Variants in RPRD2 observed in about 807,000 individuals in gnomAD.
RPRD2 encodes regulation of nuclear pre-mRNA domain containing 2.
RPRD2 carries 12 observed loss-of-function variants against 104.4 expected under a neutral mutation model. The ratio of observed to expected loss-of-function variants is 0.11; its 90% CI spans 0.07 to 0.19. The LOEUF (loss-of-function observed/expected upper bound fraction) is 0.19, where lower values mean the gene tolerates loss of function less well. RPRD2 is among the 10% of genes least tolerant of loss of function. The probability of loss-of-function intolerance (pLI) is 1.00; values close to 1 mark genes in which losing one functional copy is unlikely to be tolerated. For synonymous variants in RPRD2, 714 were observed against 684.9 expected (o/e 1.04, Z -0.66); for missense variants, 1,543 against 1,790.1 (o/e 0.86, Z 2.49).
chr1:150,447,042 G>A (rs1553895703), intron 7 of RPRD2, among the ~76,000 whole-genome samples: 1 of 152,072 alleles, frequency 6.6e-6, no homozygotes, highest in Non-Finnish European at 1.5e-5. Flanking sequence ...CTCCATGTTG[G>A]TCAGGCTGGT....
At position 150,472,782 on chromosome 1, in the gene RPRD2, A is replaced by T; in HGVS notation, c.3834A>T (p.Glu1278Asp). The change falls in exon 11 of 11, where the codon GAA becomes GAT. Residue 1278 changes from glutamate to aspartate, a missense_variant. Physicochemically the swap from Glu to Asp is conservative, Grantham distance 45. Around this residue, in one of 4 missense-constraint regions of RPRD2, gnomAD observed 880 missense variants for 885.6 expected, o/e 0.99. Transcript: ENST00000369068. Reference sequence around the variant, plus strand: ...CACCTCCTCCTCCCCCTCCTGGGGAACATAGCAGCAGTGGTGGGAGTGGTG... The same window carrying T: ...CACCTCCTCCTCCCCCTCCTGGGGATCATAGCAGCAGTGGTGGGAGTGGTG... Reference protein sequence around the residue: ...PTPPPPPPPGEHSSSGGSGVP... With the variant: ...PTPPPPPPPGDHSSSGGSGVP... The T allele has an allele frequency of 6.2e-7, 1 of 1,609,398 alleles. No individual in the cohort carries two copies. The highest frequency in any genetic ancestry group is 8.5e-7 in the Non-Finnish European group (1 of 1,175,832).
At chr1:150,465,346 G>C (rs1553899697) in intron 10 of RPRD2, among the ~76,000 whole-genome samples, 1 of 151,816 alleles carries the variant, frequency 6.6e-6, no homozygotes, top group Non-Finnish European at 1.5e-5. Context: ...TCGAACTCCT[G>C]ACCTCAGGCA....
At chr1:150,426,869 G>A (rs782616908) in intron 2 of RPRD2, among the ~76,000 whole-genome samples, 55 of 152,326 alleles carry the variant, frequency 3.6e-4, no homozygotes, top group Admixed American at 4.6e-4. Context: ...AAGATAGGCC[G>A]GGTGCTATGG....
rs587681601 is a variant in RPRD2 at position 150,367,775 on chromosome 1, T to C, written c.205+2856T>C. On this transcript the variant is annotated intron_variant, in intron 1 of 10. Coordinates refer to ENST00000369068, the MANE Select transcript of RPRD2 (RefSeq NM_015203.5). ...TCTCGCTCTGTCGTCCAGACTGGAG[T>C]GCAGTGGCGCGATCTCAGCTCACTG... 1.6e-4 allele frequency among the ~76,000 whole-genome samples: 25 copies of C among 151,798 alleles called. No individual in the cohort carries two copies. The South Asian group carries it at 5.0e-3, about 30-fold the overall frequency.
intron 9 of RPRD2, among the ~76,000 whole-genome samples, chr1:150,463,242 G>A (rs1302490276): frequency 6.6e-6 from 1 of 152,140 alleles, no homozygotes; most frequent in South Asian, 2.1e-4. Context: ...AGGATCACTT[G>A]AAGCCAGGAA....
chr1:150,400,532 G>C (rs1482094698), intron 1 of RPRD2, among the ~76,000 whole-genome samples: 8 of 152,244 alleles, frequency 5.3e-5, no homozygotes, highest in Non-Finnish European at 8.8e-5. Context: ...GTTAACAATA[G>C]AGTTTATGCT....
chr1:150,408,158 ATTTTTT>A (rs10684924), intron 1 of RPRD2, among the ~76,000 whole-genome samples: 3 of 95,096 alleles, frequency 3.2e-5, no homozygotes, highest in African/African-American at 9.3e-5. Context: ...TATTCATATG[ATTTTTT>A]TTTTTTTTTT....
intron 1 of RPRD2, among the ~76,000 whole-genome samples, chr1:150,414,976 C>T (rs1348949832): frequency 3.9e-5 from 6 of 152,032 alleles, no homozygotes; most frequent in Non-Finnish European, 7.4e-5. Flanking sequence ...ATAGGAGAGA[C>T]GTGCATATAC....
intron 7 of RPRD2, among the ~76,000 whole-genome samples, chr1:150,456,675 AG>A (rs1667549186): frequency 6.6e-6 from 1 of 151,946 alleles, no homozygotes; most frequent in Admixed American, 6.6e-5. Flanking sequence ...CTGTAATCCC[AG>A]CACTTTGGGA....
intron 7 of RPRD2, among the ~76,000 whole-genome samples, chr1:150,451,267 ACAAGTTTGGT>A (rs1553896510): frequency 6.6e-6 from 1 of 152,174 alleles, no homozygotes; most frequent in African/African-American, 2.4e-5. Flanking sequence ...CAGATGGCAC[ACAAGTTTGGT>A]TTATCTCACT....
intron 8 of RPRD2, among the ~76,000 whole-genome samples, chr1:150,458,298 T>A (rs910446109): frequency 6.6e-6 from 1 of 151,684 alleles, no homozygotes; most frequent in African/African-American, 2.4e-5. Context: ...CTACAAAAAA[T>A]ATAAAAATTA....
At chr1:150,441,141 A>G (rs925013262) in intron 3 of RPRD2, 118 bp downstream of exon 3, 4 of 537,470 alleles carry the variant, frequency 7.4e-6, no homozygotes, top group Admixed American at 7.6e-5. Context: ...ATCTAGCCCT[A>G]TTTGTTTAAA....
chr1:150,425,674 C>T (rs782626690), intron 2 of RPRD2, among the ~76,000 whole-genome samples: 3 of 151,892 alleles, frequency 2.0e-5, no homozygotes, highest in Admixed American at 1.3e-4. Context: ...AATTTCCTTC[C>T]ATCTTTATTA....
intron 1 of RPRD2, among the ~76,000 whole-genome samples, chr1:150,370,245 C>A (rs1256608688): frequency 6.6e-6 from 1 of 152,082 alleles, no homozygotes; most frequent in African/African-American, 2.4e-5. Context: ...AAATGGGAAT[C>A]AATATGGAAA....
At chr1:150,375,716 G>T (rs1241330591) in intron 1 of RPRD2, among the ~76,000 whole-genome samples, 3 of 151,968 alleles carry the variant, frequency 2.0e-5, no homozygotes, top group Non-Finnish European at 2.9e-5. Flanking sequence ...CTTTTTCCAG[G>T]TGTTTATTGT....
At chr1:150,441,755 A>G (rs2102357443) in intron 3 of RPRD2, 126 bp from the exon 4 acceptor site, 1 of 542,838 alleles carries the variant, frequency 1.8e-6, no homozygotes, top group East Asian at 3.2e-5. Flanking sequence ...AAATGAAAGA[A>G]AAGGAAAGAA....
Position 150,460,225 on chromosome 1 carries a change from C to T in RPRD2, c.1319C>T (p.Ser440Phe). 6.2e-7 allele frequency: 1 copy of T among 1,613,892 alleles called. No individual in the cohort carries two copies. Among genetic ancestry groups the T allele is most frequent in the Non-Finnish European group, 8.5e-7 (1 of 1,179,856 alleles). ...CCTGTGAATACTTCTCTTTCCCCTT[C>T]CCCAGCATTGGCTTTGCCAAACCTG... is the stretch of plus-strand genomic sequence containing the variant. ...PKPVNTSLSPSPALALPNLAN... is the reference protein window; with the variant it reads ...PKPVNTSLSPFPALALPNLAN... Residue 440 changes from serine (S) to phenylalanine (F), a missense_variant, in exon 9 of 11, where the codon TCC becomes TTC. Physicochemically the swap from Ser to Phe is radical, Grantham distance 155. Coordinates refer to ENST00000369068, the MANE Select transcript of RPRD2 (RefSeq NM_015203.5).
chr1:150,462,940 A>T (rs888394377), intron 9 of RPRD2, among the ~76,000 whole-genome samples: 1 of 152,058 alleles, frequency 6.6e-6, no homozygotes, highest in East Asian at 1.9e-4. Flanking sequence ...TGTAACCTCA[A>T]ACTTCTGGGT....
At position 150,473,051 on chromosome 1, in the gene RPRD2, G is replaced by A. The variant is rs778296362; in HGVS notation, c.4103G>A (p.Ser1368Asn). The A allele has an allele frequency of 9.3e-6, 15 of 1,613,900 alleles. No homozygotes were observed. The Admixed American group carries it at 2.2e-4, about 23-fold the overall frequency. The change falls in exon 11 of 11, where the codon AGC (serine) becomes AAC (asparagine). Residue 1368 changes from serine (S) to asparagine (N), a missense_variant. By Grantham distance (46) the Ser-to-Asn change is conservative. This residue lies in a region of RPRD2 where 880 missense variants were observed against 885.6 expected (regional missense o/e 0.99). Transcript: ENST00000369068. ...NGPGLSRVRESLTLPSHSLEH... is the reference protein window; with the variant it reads ...NGPGLSRVRENLTLPSHSLEH... ...CCTGGCCTTAGCCGTGTACGAGAGA[G>A]CCTCACCCTACCCTCCCATTCTCTG... is the stretch of plus-strand genomic sequence containing the variant.
Sources: allele counts gnomAD v4.1 joint callset (sites outside exome capture counted in the v4.1 genomes callset), GRCh38; gene constraint gnomAD v4.1.1; regional missense constraint gnomAD v4.1.1; transcripts MANE v1.5; gene names NCBI Gene and HGNC (gene_info 2026-07-23, HGNC 2026-07-21).